The following BRAF variants were observed in gnomAD, a reference collection of about 807,000 sequenced individuals.
BRAF encodes B-Raf proto-oncogene, serine/threonine kinase, also known as serine/threonine-protein kinase B-raf.
Under a neutral mutation model 104.6 loss-of-function variants are expected in BRAF, and 16 were observed. The ratio of observed to expected loss-of-function variants is 0.15; its 90% CI spans 0.10 to 0.23. BRAF has a LOEUF of 0.23. Ranked by LOEUF, BRAF falls within the 10% of genes least tolerant of loss-of-function variation. The pLI is 1.00. For missense variants in BRAF, 541 were observed against 937.3 expected, an observed-to-expected ratio of 0.58 and a Z score of 5.52; for synonymous variants, 310 against 341.6, an observed-to-expected ratio of 0.91 and a Z score of 1.02.
At chr7:140,734,494 TAAAA>T in intron 19 of BRAF, 1 of 1,566,016 alleles carries the variant, frequency 6.4e-7, no homozygotes, top group South Asian at 1.1e-5. Context: ...TGGTTCACCT[TAAAA>T]AAAAAGAGAG....
At position 140,783,064 on chromosome 7, in the gene BRAF, C is replaced by T. The variant is rs756851654; in HGVS notation, c.1391G>A (p.Arg464Gln). 21 of 1,613,876 alleles carry T rather than the reference C, an allele frequency of 1.3e-5. No homozygotes were observed. The South Asian group carries it at 2.0e-4, about 15-fold the overall frequency. ...TGAGGATGAAGATGACTTCCTTTCT[C>T]GCTGAGGTCCTGGAGATTTCTGTAA... Reference protein sequence around the residue: ...KALQKSPGPQRERKSSSSSED... With the variant: ...KALQKSPGPQQERKSSSSSED... The change falls in exon 11 of 20, where the codon CGA becomes CAA. Residue 464 changes from arginine to glutamine, a missense_variant. Coordinates refer to ENST00000644969, the MANE Select transcript of BRAF (RefSeq NM_001374258.1).
rs74664183 is a variant in BRAF, at chr7:140,837,327, C to T, written c.241-2455G>A. On this transcript the variant is annotated intron_variant, in intron 2 of 19. Coordinates refer to ENST00000644969, the MANE Select transcript of BRAF (RefSeq NM_001374258.1). ...TGATCTCGATTTAGAACCTCACGCA[C>T]CCCTGGGGCACACATACTTATCCCA... Among the ~76,000 whole-genome samples the T allele has an allele frequency of 3.7e-3, 565 of 152,296 alleles. 2 individuals are homozygous for T. Among genetic ancestry groups the T allele is most frequent in the African/African-American group, 0.013 (543 of 41,560 alleles).
At chr7:140,756,541 C>CAA (rs3216495) in intron 14 of BRAF, among the ~76,000 whole-genome samples, 1 of 143,834 alleles carries the variant, frequency 7.0e-6, no homozygotes, top group African/African-American at 2.5e-5. Flanking sequence ...TGGAAAATGC[C>CAA]AAAAAAAAAA....
chr7:140,725,377 T>C lies in BRAF; in HGVS notation c.*1117A>G, dbSNP rs748044561. ...AATGATCTTTCTTAAAAGTTGTTTA[T>C]ATAACAAAAATACAATTTTCAGGAT... On this transcript the variant is annotated 3_prime_UTR_variant, in exon 20 of 20. Transcript: ENST00000644969. 1.4e-4 allele frequency: 137 copies of C among 974,360 alleles called. No individual in the cohort carries two copies. The South Asian group carries it at 2.4e-3, about 17-fold the overall frequency. 60.4% of individuals were successfully genotyped at this position (974,360 alleles called of 1,614,324 possible).
intron 1 of BRAF, among the ~76,000 whole-genome samples, chr7:140,868,841 A>T (rs1563005590): frequency 1.3e-5 from 2 of 152,242 alleles, no homozygotes; most frequent in Admixed American, 1.3e-4. Flanking sequence ...CCAAGAAACC[A>T]GATGGGAAAT....
chr7:140,906,247 G>A (rs1304446693), intron 1 of BRAF, among the ~76,000 whole-genome samples: 1 of 152,058 alleles, frequency 6.6e-6, no homozygotes, highest in Admixed American at 6.5e-5. Context: ...TGTTGCCCAG[G>A]CTGGTGTGCA....
Position 140,753,427 on chromosome 7 carries a change from C to G in BRAF, c.1862-34G>C, listed in dbSNP as rs1469635049. ...TAGTAAGTAAAGGAAAACAGTAGAT[C>G]TCATTTTCCTATCAGAGCAAGCATT... On this transcript the variant is annotated intron_variant, in intron 15 of 19. Transcript: ENST00000644969. 2.2e-6 allele frequency: 3 copies of G among 1,348,978 alleles called. No individual in the cohort carries two copies. The African/African-American group carries it at 4.3e-5, about 19-fold the overall frequency. 83.6% of individuals were successfully genotyped at this position (1,348,978 alleles called of 1,614,324 possible).
Position 140,723,647 on chromosome 7 carries a change from C to T in BRAF, c.*2847G>A. The T allele has an allele frequency of 9.5e-7, 1 of 1,050,562 alleles. No individual in the cohort carries two copies. Among genetic ancestry groups the T allele is most frequent in the Non-Finnish European group, 1.1e-6 (1 of 870,048 alleles). The allele number at this position is 1,050,562 out of a possible 1,614,324, so 65.1% of individuals were successfully genotyped here. A position where few individuals can be genotyped will look rare whatever the true frequency, so the allele number is the denominator to read the frequency against. On this transcript the variant is annotated 3_prime_UTR_variant, in exon 20 of 20. Coordinates refer to ENST00000644969, the MANE Select transcript of BRAF (RefSeq NM_001374258.1). Reference sequence around the variant, plus strand: ...TGAAAAAAGTCCATCAGGAATACTACACAGTTACAAACAATCCTCTGTAGT... The same window carrying T: ...TGAAAAAAGTCCATCAGGAATACTATACAGTTACAAACAATCCTCTGTAGT...
At chr7:140,813,884 T>TACACAC (rs895133249) in intron 3 of BRAF, among the ~76,000 whole-genome samples, 8 of 149,642 alleles carry the variant, frequency 5.3e-5, no homozygotes, top group South Asian at 4.3e-4. Flanking sequence ...TGCGGACGCA[T>TACACAC]ACATACACAC....
intron 1 of BRAF, among the ~76,000 whole-genome samples, chr7:140,897,453 G>C (rs2129124964): frequency 6.7e-6 from 1 of 149,266 alleles, no homozygotes; most frequent in East Asian, 2.0e-4. Flanking sequence ...ACAATATAGA[G>C]AATATGCTTT....
chr7:140,784,233 CT>C (rs1483278509), intron 10 of BRAF, among the ~76,000 whole-genome samples: 2 of 152,170 alleles, frequency 1.3e-5, no homozygotes, highest in African/African-American at 4.8e-5. Context: ...AATGTTTAAT[CT>C]GTAGAAAATG....
chr7:140,795,685 T>G (rs1802422757), intron 7 of BRAF, among the ~76,000 whole-genome samples: 1 of 152,202 alleles, frequency 6.6e-6, no homozygotes, highest in Admixed American at 6.5e-5. Flanking sequence ...TGAAGCATAT[T>G]ATTAAAGATA....
At chr7:140,857,533 C>T (rs935130052) in intron 1 of BRAF, among the ~76,000 whole-genome samples, 2 of 152,106 alleles carry the variant, frequency 1.3e-5, no homozygotes, top group African/African-American at 4.8e-5. Context: ...GACTAATATA[C>T]ATGAAAGTAA....
intron 2 of BRAF, among the ~76,000 whole-genome samples, chr7:140,845,317 T>C (rs1345464030): frequency 2.0e-5 from 3 of 152,170 alleles, no homozygotes; most frequent in African/African-American, 4.8e-5. Flanking sequence ...TTGGTGATGA[T>C]TTCTTGGATA....
intron 1 of BRAF, among the ~76,000 whole-genome samples, chr7:140,892,457 A>G (rs60081231): frequency 0.057 from 8,625 of 152,326 alleles, 288 homozygotes; most frequent in South Asian, 0.11. Context: ...TAAGATTTAG[A>G]TAACACAGTA....
At chr7:140,881,226 G>C (rs1812869542) in intron 1 of BRAF, among the ~76,000 whole-genome samples, 1 of 152,138 alleles carries the variant, frequency 6.6e-6, no homozygotes, top group Non-Finnish European at 1.5e-5. Context: ...AAGGGCCCTA[G>C]GATTTTTGGA....
At chr7:140,822,535 C>T (rs1185539340) in intron 3 of BRAF, 1 of 152,158 alleles carries the variant, frequency 6.6e-6, no homozygotes, top group East Asian at 1.9e-4. Context: ...AATTTTAAAA[C>T]GTGTAATCAT....
At chr7:140,778,122 TA>T in intron 12 of BRAF, 47 bp from the exon 12 acceptor site, 1 of 1,559,338 alleles carries the variant, frequency 6.4e-7, no homozygotes, top group Non-Finnish European at 8.8e-7. Context: ...TTTTAAAATT[TA>T]AAAGTATAAA....
intron 2 of BRAF, among the ~76,000 whole-genome samples, chr7:140,849,131 T>A (rs1036564238): frequency 1.6e-4 from 24 of 152,042 alleles, no homozygotes; most frequent in Admixed American, 1.6e-3. Context: ...AAAGAAAGGG[T>A]GTGTAGGGTA....
Sources: allele counts gnomAD v4.1 joint callset (sites outside exome capture counted in the v4.1 genomes callset), GRCh38; gene constraint gnomAD v4.1.1; transcripts MANE v1.5; gene names NCBI Gene and HGNC (gene_info 2026-07-23, HGNC 2026-07-21).